The following PTP4A1 variants were observed in gnomAD, a reference collection of about 807,000 sequenced individuals.
PTP4A1 encodes the protein protein tyrosine phosphatase 4A1, also known as protein tyrosine phosphatase type IVA 1.
A neutral mutation model predicts 20.5 loss-of-function variants in PTP4A1; 9 were observed. The ratio of observed to expected loss-of-function variants is 0.44; its 90% CI spans 0.26 to 0.77. The LOEUF (loss-of-function observed/expected upper bound fraction) is 0.77, where lower values mean the gene tolerates loss of function less well. Ranked by LOEUF, PTP4A1 falls within the 30% of genes least tolerant of loss-of-function variation. The pLI is 0.19. For synonymous variants in PTP4A1, 78 were observed against 67.4 expected (o/e 1.16, Z -0.77); for missense variants, 137 against 218.8 (o/e 0.63, Z 2.36).
intron 3 of PTP4A1, among the ~76,000 whole-genome samples, chr6:63,556,322 T>C (rs1453120406): frequency 1.4e-5 from 2 of 145,248 alleles, no homozygotes; most frequent in African/African-American, 5.0e-5. Flanking sequence ...TCAAACTTGG[T>C]TTTTTTTTTT....
upstream of PTP4A1, among the ~76,000 whole-genome samples, chr6:63,521,513 G>T (rs1340986880): frequency 3.9e-5 from 6 of 152,114 alleles, no homozygotes; most frequent in South Asian, 1.0e-3. Flanking sequence ...TGTAAAGAGG[G>T]TAAATGACAG....
chr6:63,563,610 G>A (rs1028061996), intron 3 of PTP4A1, among the ~76,000 whole-genome samples: 2 of 152,130 alleles, frequency 1.3e-5, no homozygotes, highest in African/African-American at 4.8e-5. Flanking sequence ...TTTCTCACCT[G>A]TATATAAATT....
upstream of PTP4A1, among the ~76,000 whole-genome samples, chr6:63,518,259 C>A (rs1199254979): frequency 1.3e-5 from 2 of 151,910 alleles, no homozygotes; most frequent in East Asian, 3.9e-4. Context: ...CAGAGCACAT[C>A]TTAGATTGCT....
At chr6:63,577,087 A>G in intron 2 of PTP4A1, 102 bp downstream of exon 2, 1 of 816,270 alleles carries the variant, frequency 1.2e-6, no homozygotes, top group Non-Finnish European at 2.0e-6. Flanking sequence ...GAGATGATAT[A>G]CCTACAATTC....
Position 63,554,615 on chromosome 6 carries a change from T to C in PTP4A1, c.-446+4122T>C, listed in dbSNP as rs565969423. Among the ~76,000 whole-genome samples the C allele has an allele frequency of 2.0e-5, 3 of 152,254 alleles. No homozygotes were observed. In the South Asian group the frequency reaches 6.2e-4, roughly 32 times the overall value. ...GAGTTCAAGACCAGCCTGGCCAACA[T>C]GGTGAAACCCATCTCTACTAAAAAT... On this transcript the variant is annotated intron_variant, in intron 3 of 3. Coordinates refer to the PTP4A1 transcript ENST00000639568.
intron 2 of PTP4A1, 57 bp from the exon 3 acceptor site, chr6:63,578,380 T>C: frequency 6.5e-7 from 1 of 1,532,152 alleles, no homozygotes; most frequent in South Asian, 1.3e-5. Context: ...ATATAAAATG[T>C]TGAGTTATAG....
chr6:63,577,162 G>C (rs1229831759), intron 2 of PTP4A1, among the ~76,000 whole-genome samples, 177 bp downstream of exon 2: 1 of 152,190 alleles, frequency 6.6e-6, no homozygotes, highest in Non-Finnish European at 1.5e-5. Flanking sequence ...ATTTTGAGAA[G>C]GGCATGTGCT....
At chr6:63,517,235 G>A (rs952844232), upstream of PTP4A1, among the ~76,000 whole-genome samples, 18 of 151,968 alleles carry the variant, frequency 1.2e-4, no homozygotes, top group African/African-American at 4.4e-4. Flanking sequence ...TCAGACCAGT[G>A]GCATTAAAGA....
chr6:63,533,764 G>A (rs1374620543), intron 2 of PTP4A1, among the ~76,000 whole-genome samples: 3 of 151,948 alleles, frequency 2.0e-5, no homozygotes, highest in African/African-American at 7.3e-5. Context: ...GAAATGTATG[G>A]GGAAGTATAC....
chr6:63,530,671 A>AT (rs1029763499), intron 2 of PTP4A1, among the ~76,000 whole-genome samples: 1 of 152,204 alleles, frequency 6.6e-6, no homozygotes, highest in Non-Finnish European at 1.5e-5. Context: ...TATCATAAAG[A>AT]TTTTTTCAAA....
At chr6:63,548,193 T>G (rs1776287069) in intron 2 of PTP4A1, among the ~76,000 whole-genome samples, 1 of 152,212 alleles carries the variant, frequency 6.6e-6, no homozygotes, top group African/African-American at 2.4e-5. Context: ...TTCCCTACTA[T>G]AACACTTTCT....
chr6:63,548,522 C>A (rs1776299910), intron 2 of PTP4A1, among the ~76,000 whole-genome samples: 1 of 152,150 alleles, frequency 6.6e-6, no homozygotes, highest in African/African-American at 2.4e-5. Context: ...CTATGTAGAG[C>A]CTGTGACCAT....
At chr6:63,549,225 A>G (rs1403541582) in intron 2 of PTP4A1, 2 of 726,640 alleles carry the variant, frequency 2.8e-6, no homozygotes, top group East Asian at 2.5e-5. Flanking sequence ...CAGCTGAAGT[A>G]GCAGAGCAGC....
At chr6:63,555,174 T>A (rs1366793067) in intron 3 of PTP4A1, among the ~76,000 whole-genome samples, 1 of 152,192 alleles carries the variant, frequency 6.6e-6, no homozygotes, top group Non-Finnish European at 1.5e-5. Flanking sequence ...TCAAAGAAGA[T>A]CTAGTTGGCT....
At chr6:63,556,716 G>A (rs1776702529) in intron 3 of PTP4A1, among the ~76,000 whole-genome samples, 2 of 152,182 alleles carry the variant, frequency 1.3e-5, no homozygotes, top group Middle Eastern at 3.2e-3. Context: ...CACTGATACT[G>A]CTTGTCAGTT....
At chr6:63,573,617 A>C (rs529353835) in intron 1 of PTP4A1, 3 of 152,404 alleles carry the variant, frequency 2.0e-5, no homozygotes, top group Non-Finnish European at 4.4e-5. Context: ...CTGCTAGGTG[A>C]GAACTTCGGC....
At chr6:63,579,392 A>G in intron 5 of PTP4A1, 61 bp downstream of exon 5, 5 of 1,280,082 alleles carry the variant, frequency 3.9e-6, no homozygotes, top group Non-Finnish European at 4.4e-6. Context: ...AGTGTCAGTG[A>G]GTTTAATAGT....
intron 3 of PTP4A1, among the ~76,000 whole-genome samples, chr6:63,556,397 T>C (rs1776689285): frequency 6.6e-6 from 1 of 152,024 alleles, no homozygotes; most frequent in African/African-American, 2.4e-5. Context: ...CCCAGGCTGG[T>C]CTCAAGCTCC....
intron 2 of PTP4A1, among the ~76,000 whole-genome samples, chr6:63,539,560 G>A (rs1013868389): frequency 6.6e-6 from 1 of 152,148 alleles, no homozygotes; most frequent in South Asian, 2.1e-4. Flanking sequence ...GGCAGATCAC[G>A]AGGTCAGGAG....
Sources: allele counts gnomAD v4.1 joint callset (sites outside exome capture counted in the v4.1 genomes callset), GRCh38; gene constraint gnomAD v4.1.1; transcripts MANE v1.5; gene names NCBI Gene and HGNC (gene_info 2026-07-23, HGNC 2026-07-21).